Variants in RAB40B observed in about 807,000 individuals in gnomAD.
The protein encoded by RAB40B is ras-related protein Rab-40B.
A neutral mutation model predicts 24.0 loss-of-function variants in RAB40B; 21 were observed. The ratio of observed to expected loss-of-function variants is 0.88; its 90% CI spans 0.62 to 1.26. The LOEUF (loss-of-function observed/expected upper bound fraction) is 1.26. Ranked by LOEUF, RAB40B falls within the 50% of genes most tolerant of loss-of-function variation. RAB40B has a pLI of 0.00. For missense variants in RAB40B, 348 were observed against 390.5 expected (o/e 0.89, Z 0.92); for synonymous variants, 167 against 169.8 (o/e 0.98, Z 0.13).
At chr17:82,658,744 G>A (rs2046121817) in intron 4 of RAB40B, 31 bp from the exon 5 acceptor site, 6 of 1,568,244 alleles carry the variant, frequency 3.8e-6, no homozygotes, top group African/African-American at 1.4e-5. Context: ...GAGGAGCATG[G>A]GTTACTTCAG....
intron 1 of RAB40B, among the ~76,000 whole-genome samples, chr17:82,669,446 G>C (rs2046305039): frequency 6.6e-6 from 1 of 152,096 alleles, no homozygotes; most frequent in Non-Finnish European, 1.5e-5. Context: ...TTTCACTCCA[G>C]CCTGGGCAAC....
chr17:82,684,867 A>G (rs1053659417), intron 1 of RAB40B, among the ~76,000 whole-genome samples: 5 of 151,852 alleles, frequency 3.3e-5, no homozygotes, highest in African/African-American at 1.2e-4. Flanking sequence ...TAATCCTAGA[A>G]CTCTGGGAGG....
intron 1 of RAB40B, among the ~76,000 whole-genome samples, chr17:82,671,555 T>C (rs376915725): frequency 2.3e-5 from 3 of 131,132 alleles, no homozygotes; most frequent in African/African-American, 5.8e-5. Flanking sequence ...CTCCCTGTAC[T>C]CACTGACACA....
chr17:82,664,260 CGATGGTGGTGGGGGGAGGGTG>C (rs2046223076), intron 2 of RAB40B, among the ~76,000 whole-genome samples: 1 of 93,712 alleles, frequency 1.1e-5, no homozygotes, highest in African/African-American at 4.7e-5. Context: ...GGTGCTGGGC[CGATGGTGGTGGGGGGAGGGTG>C]CTCCCCGGGG....
At chr17:82,684,832 G>A (rs1168838940) in intron 1 of RAB40B, among the ~76,000 whole-genome samples, 1 of 152,152 alleles carries the variant, frequency 6.6e-6, no homozygotes, top group Non-Finnish European at 1.5e-5. Flanking sequence ...CTCAAGACGG[G>A]GCCAGGCACG....
chr17:82,659,698 G>GTGCCTGCATCTGTGTT, intron 3 of RAB40B, 41 bp from the exon 4 acceptor site: 3 of 1,545,826 alleles, frequency 1.9e-6, no homozygotes, highest in Non-Finnish European at 2.7e-6. Context: ...GAACACAGAT[G>GTGCCTGCATCTGTGTT]CAGGCACAGC....
At chr17:82,684,684 C>T (rs1277202286) in intron 1 of RAB40B, among the ~76,000 whole-genome samples, 3 of 152,142 alleles carry the variant, frequency 2.0e-5, no homozygotes, top group South Asian at 2.1e-4. Context: ...CAAAGGCCTC[C>T]GGGATGCAGG....
chr17:82,685,508 GAAAC>G (rs2046490459), intron 1 of RAB40B, among the ~76,000 whole-genome samples: 1 of 152,158 alleles, frequency 6.6e-6, no homozygotes, highest in Non-Finnish European at 1.5e-5. Context: ...GCCCAGCAGT[GAAAC>G]GCTCAGATGG....
intron 1 of RAB40B, among the ~76,000 whole-genome samples, chr17:82,682,549 C>T (rs941846239): frequency 1.3e-5 from 2 of 152,078 alleles, no homozygotes; most frequent in Non-Finnish European, 1.5e-5. Context: ...TGGTAGAAAT[C>T]AACAAAGCCA....
chr17:82,661,267 C>A, intron 2 of RAB40B: 1 of 1,324,526 alleles, frequency 7.5e-7, no homozygotes, highest in Non-Finnish European at 9.6e-7. Context: ...TTTAAAAAGT[C>A]AAACTAGAAA....
chr17:82,685,256 G>A (rs2046487098), intron 1 of RAB40B, among the ~76,000 whole-genome samples: 1 of 119,930 alleles, frequency 8.3e-6, no homozygotes, highest in Admixed American at 8.9e-5. Context: ...GGGGGAGGGG[G>A]AAGTGGGCCA....
intron 1 of RAB40B, among the ~76,000 whole-genome samples, chr17:82,678,967 C>T (rs1430456799): frequency 1.4e-5 from 2 of 144,442 alleles, no homozygotes; most frequent in Non-Finnish European, 3.0e-5. Context: ...ACTGCAAGCT[C>T]CGCCTCCCAG....
At chr17:82,694,614 A>T (rs1311648070) in intron 1 of RAB40B, among the ~76,000 whole-genome samples, 1 of 151,762 alleles carries the variant, frequency 6.6e-6, no homozygotes, top group African/African-American at 2.4e-5. Context: ...AGTTTAACAC[A>T]AACATTCAAC....
intron 1 of RAB40B, among the ~76,000 whole-genome samples, chr17:82,670,525 G>T (rs914055795): frequency 4.1e-5 from 6 of 146,442 alleles, no homozygotes; most frequent in Non-Finnish European, 3.0e-5. Flanking sequence ...AAATGTAAAA[G>T]AATTCCTGAT....
At chr17:82,688,772 A>G (rs758047618) in intron 1 of RAB40B, among the ~76,000 whole-genome samples, 9 of 152,118 alleles carry the variant, frequency 5.9e-5, no homozygotes, top group Non-Finnish European at 1.0e-4. Context: ...CGTCTTTACT[A>G]AAAATACAAA....
chr17:82,694,020 T>C (rs771902268), intron 1 of RAB40B, among the ~76,000 whole-genome samples: 13 of 147,090 alleles, frequency 8.8e-5, no homozygotes, highest in African/African-American at 1.6e-4. Flanking sequence ...GAGGCAGAGG[T>C]TGCAGTGAGC....
chr17:82,665,829 T>G (rs2046248268), intron 1 of RAB40B, among the ~76,000 whole-genome samples: 1 of 151,378 alleles, frequency 6.6e-6, no homozygotes, highest in Non-Finnish European at 1.5e-5. Flanking sequence ...ATTGTGCCAC[T>G]GTGCTCCAGC....
intron 1 of RAB40B, among the ~76,000 whole-genome samples, chr17:82,678,879 G>GTTTTTTTTTTTTTTT (rs35848277): frequency 1.1e-4 from 11 of 99,150 alleles, no homozygotes; most frequent in African/African-American, 4.3e-4. Context: ...CCCTTTCTGC[G>GTTTTTTTTTTTTTTT]TTTTTTTTTT....
intron 1 of RAB40B, among the ~76,000 whole-genome samples, chr17:82,688,399 G>A (rs2046524075): frequency 6.6e-6 from 1 of 151,842 alleles, no homozygotes; most frequent in Non-Finnish European, 1.5e-5. Flanking sequence ...TAGATCACGA[G>A]GTCAGGAGTT....
Sources: gnomAD v4.1 joint callset for allele counts (sites outside exome capture counted in the v4.1 genomes callset) on GRCh38, gnomAD v4.1.1 for gene constraint, MANE v1.5 for transcripts, NCBI Gene and HGNC (gene_info 2026-07-23, HGNC 2026-07-21) for gene names.